The following RAPGEF2 variants were observed in gnomAD, a reference collection of about 807,000 sequenced individuals.
The protein encoded by RAPGEF2 is Rap guanine nucleotide exchange factor 2.
Under a neutral mutation model 186.7 loss-of-function variants are expected in RAPGEF2, and 54 were observed. The observed-to-expected ratio is 0.29, with a 90% CI of 0.23 to 0.36. The LOEUF is 0.36. RAPGEF2 is among the 10% of genes least tolerant of loss of function. The pLI is 1.00. For synonymous variants in RAPGEF2, 712 were observed against 705.9 expected (o/e 1.01, Z -0.14); for missense variants, 1,532 against 2,045.0 (o/e 0.75, Z 4.84).
chr4:159,158,619 G>T (rs1036374677), intron 1 of RAPGEF2, among the ~76,000 whole-genome samples: 1 of 152,092 alleles, frequency 6.6e-6, no homozygotes, highest in Non-Finnish European at 1.5e-5. Flanking sequence ...ATTACCAGTA[G>T]CAACCCTTGG....
At chr4:159,131,375 G>C (rs1279025910) in intron 1 of RAPGEF2, among the ~76,000 whole-genome samples, 1 of 152,208 alleles carries the variant, frequency 6.6e-6, no homozygotes, top group Non-Finnish European at 1.5e-5. Context: ...CTCCCAAAGT[G>C]CTGGGATTAC....
intron 1 of RAPGEF2, among the ~76,000 whole-genome samples, chr4:159,106,274 G>T (rs1337998435): frequency 6.6e-6 from 1 of 152,186 alleles, no homozygotes; most frequent in Non-Finnish European, 1.5e-5. Context: ...TATTAACTTT[G>T]ATGTTCGTTT....
At chr4:159,134,016 G>C (rs976403785) in intron 1 of RAPGEF2, among the ~76,000 whole-genome samples, 9 of 152,170 alleles carry the variant, frequency 5.9e-5, no homozygotes, top group Non-Finnish European at 1.2e-4. Context: ...ACCACGCCTG[G>C]CAATTCTGTG....
At chr4:159,214,958 G>A (rs756704957) in intron 4 of RAPGEF2, among the ~76,000 whole-genome samples, 1 of 152,186 alleles carries the variant, frequency 6.6e-6, no homozygotes, top group African/African-American at 2.4e-5. Flanking sequence ...CGCCTTCCAC[G>A]TTCAAGCAAT....
intron 7 of RAPGEF2, among the ~76,000 whole-genome samples, chr4:159,273,128 A>G (rs1023426753): frequency 2.6e-5 from 4 of 152,120 alleles, no homozygotes; most frequent in Non-Finnish European, 5.9e-5. Flanking sequence ...TCTGATCTTT[A>G]TTTTGTCTGT....
At chr4:159,311,894 T>C (rs1361382654) in intron 8 of RAPGEF2, among the ~76,000 whole-genome samples, 1 of 152,206 alleles carries the variant, frequency 6.6e-6, no homozygotes, top group Admixed American at 6.5e-5. Context: ...AAAATGGTTA[T>C]TTATTCTAAA....
intron 7 of RAPGEF2, among the ~76,000 whole-genome samples, chr4:159,273,695 T>C (rs1242191949): frequency 1.4e-5 from 2 of 144,070 alleles, no homozygotes. Context: ...TCTTTCTTTC[T>C]TTCTTTCTCA....
chr4:159,271,258 TA>T (rs1385931487), intron 7 of RAPGEF2, among the ~76,000 whole-genome samples: 1 of 152,198 alleles, frequency 6.6e-6, no homozygotes, highest in Non-Finnish European at 1.5e-5. Flanking sequence ...AAAAAAGTTT[TA>T]AAATAAATTG....
intron 26 of RAPGEF2, 150 bp from the exon 27 acceptor site, chr4:159,352,535 G>A (rs1731341442): frequency 3.3e-6 from 2 of 611,642 alleles, no homozygotes; most frequent in East Asian, 5.5e-5. Flanking sequence ...TTGTCTCTTA[G>A]TCATGTGGTC....
At chr4:159,105,433 G>A (rs529388256) in intron 1 of RAPGEF2, among the ~76,000 whole-genome samples, 1 of 152,172 alleles carries the variant, frequency 6.6e-6, no homozygotes, top group Non-Finnish European at 1.5e-5. Context: ...CTTTGGACAA[G>A]CCCCAAGAGT....
intron 29 of RAPGEF2, among the ~76,000 whole-genome samples, chr4:159,357,490 C>CA (rs571114563): frequency 1.8e-3 from 277 of 152,306 alleles, no homozygotes; most frequent in African/African-American, 6.3e-3. Context: ...GGAAGGAGAA[C>CA]ATGGCCTCCC....
intron 7 of RAPGEF2, among the ~76,000 whole-genome samples, chr4:159,252,206 G>A (rs1344371078): frequency 1.3e-5 from 2 of 152,124 alleles, no homozygotes; most frequent in African/African-American, 2.4e-5. Flanking sequence ...GACTACAGGC[G>A]TGAGCCAGCA....
At chr4:159,222,369 CCACAGGT>C (rs1469216767) in intron 4 of RAPGEF2, among the ~76,000 whole-genome samples, 1 of 152,156 alleles carries the variant, frequency 6.6e-6, no homozygotes, top group Non-Finnish European at 1.5e-5. Flanking sequence ...TGATGGAGTT[CCACAGGT>C]CACCTGGTGC....
intron 1 of RAPGEF2, among the ~76,000 whole-genome samples, chr4:159,165,125 A>G (rs896035587): frequency 6.6e-6 from 1 of 152,194 alleles, no homozygotes. Flanking sequence ...ATATGACATC[A>G]GTTGAATAAA....
chr4:159,330,081 A>AT (rs1040253919), intron 12 of RAPGEF2, 71 bp downstream of exon 12: 111 of 1,487,140 alleles, frequency 7.5e-5, no homozygotes, highest in Admixed American at 4.8e-4. Flanking sequence ...GCAGTTTAGG[A>AT]TTTTTTTTCA....
chr4:159,323,366 G>A, intron 10 of RAPGEF2, 93 bp from the exon 11 acceptor site: 4 of 1,040,416 alleles, frequency 3.8e-6, no homozygotes, highest in Non-Finnish European at 5.4e-6. Flanking sequence ...CAAAATGGAA[G>A]ATCTGCTAAT....
At chr4:159,263,177 T>C (rs1235203448) in intron 7 of RAPGEF2, among the ~76,000 whole-genome samples, 2 of 152,110 alleles carry the variant, frequency 1.3e-5, no homozygotes, top group Admixed American at 1.3e-4. Flanking sequence ...AAAGATGAAA[T>C]AGATGACGTG....
intron 20 of RAPGEF2, among the ~76,000 whole-genome samples, chr4:159,342,776 A>C (rs976528422): frequency 1.3e-5 from 2 of 151,832 alleles, no homozygotes; most frequent in African/African-American, 4.8e-5. Context: ...TACGGAAGAG[A>C]AGAGTAAAAC....
intron 2 of RAPGEF2, among the ~76,000 whole-genome samples, chr4:159,191,028 G>A (rs1305066556): frequency 1.3e-5 from 2 of 152,186 alleles, no homozygotes; most frequent in East Asian, 1.9e-4. Context: ...AGTGGCTGCC[G>A]TGATGAGAGA....
Sources: allele counts gnomAD v4.1 joint callset (sites outside exome capture counted in the v4.1 genomes callset), GRCh38; gene constraint gnomAD v4.1.1; transcripts MANE v1.5; gene names NCBI Gene and HGNC (gene_info 2026-07-23, HGNC 2026-07-21).